DACH1: variants seen among roughly 807,000 people sequenced by gnomAD.
DACH1 encodes the protein dachshund family transcription factor 1.
In DACH1, 12 loss-of-function variants were observed where a neutral mutation model predicts 54.2. The ratio of observed to expected loss-of-function variants is 0.22; its 90% CI spans 0.14 to 0.36. The LOEUF is 0.36. Among genes scored for constraint, DACH1 ranks in the 10% least tolerant of loss-of-function variants. DACH1 has a pLI of 1.00. For synonymous variants in DACH1, 386 were observed against 366.2 expected, an observed-to-expected ratio of 1.05 and a Z score of -0.62; for missense variants, 805 against 929.8, an observed-to-expected ratio of 0.87 and a Z score of 1.75.
At chr13:71,577,632 A>T (rs533355504) in intron 3 of DACH1, among the ~76,000 whole-genome samples, 1 of 152,324 alleles carries the variant, frequency 6.6e-6, no homozygotes, top group South Asian at 2.1e-4. Context: ...CACAGGAAAA[A>T]TTGTATTTAA....
At position 71,515,809 on chromosome 13, in the gene DACH1, A is replaced by G. The variant is rs1336299692; in HGVS notation, c.1571-26661T>C. On this transcript the variant is annotated intron_variant, in intron 6 of 10. Transcript: ENST00000613252. ...TGATGACATCATATCCTATCCATCA[A>G]TTCTTTCAGGAGCACACTTGCCATC... 2.6e-5 allele frequency among the ~76,000 whole-genome samples: 4 copies of G among 151,810 alleles called. 1 individual carries two copies. The Admixed American group carries it at 2.6e-4, about 10-fold the overall frequency.
At chr13:71,667,046 T>A (rs8002931) in intron 2 of DACH1, among the ~76,000 whole-genome samples, 1 of 151,956 alleles carries the variant, frequency 6.6e-6, no homozygotes, top group Admixed American at 6.5e-5. Flanking sequence ...TTATGTACAG[T>A]TTTTTTCATA....
At chr13:71,636,353 G>A (rs1877486800) in intron 2 of DACH1, among the ~76,000 whole-genome samples, 2 of 151,894 alleles carry the variant, frequency 1.3e-5, no homozygotes, top group Admixed American at 6.6e-5. Flanking sequence ...ATCAGAAATG[G>A]AGAAACTTTA....
intron 2 of DACH1, among the ~76,000 whole-genome samples, chr13:71,644,029 G>C (rs1353841201): frequency 6.6e-6 from 1 of 152,060 alleles, no homozygotes; most frequent in African/African-American, 2.4e-5. Context: ...CTAGCTCAAC[G>C]TAAAACTACA....
intron 1 of DACH1, among the ~76,000 whole-genome samples, chr13:71,735,069 A>G (rs115292470): frequency 0.039 from 5,855 of 150,506 alleles, 378 homozygotes; most frequent in African/African-American, 0.13. Context: ...ATACATATAT[A>G]TGGGATATAC....
chr13:71,637,112 G>C (rs1877545067), intron 2 of DACH1, among the ~76,000 whole-genome samples: 1 of 152,038 alleles, frequency 6.6e-6, no homozygotes, highest in Non-Finnish European at 1.5e-5. Flanking sequence ...CAGTGGCTGG[G>C]GGGAGAGAGA....
chr13:71,693,469 A>ATTTTTTTTTTTTTTTTTTTT (rs748598587), intron 1 of DACH1, among the ~76,000 whole-genome samples: 1 of 119,300 alleles, frequency 8.4e-6, no homozygotes, highest in Non-Finnish European at 1.7e-5. Context: ...CGCCCGGCAA[A>ATTTTTTTTTTTTTTTTTTTT]TTTTTTTTTT....
intron 6 of DACH1, among the ~76,000 whole-genome samples, chr13:71,513,937 C>A (rs1287421164): frequency 6.6e-6 from 1 of 152,018 alleles, no homozygotes; most frequent in Non-Finnish European, 1.5e-5. Flanking sequence ...AGTGAACACT[C>A]ATTTACCTTG....
At chr13:71,835,011 C>T (rs1238028020) in intron 1 of DACH1, among the ~76,000 whole-genome samples, 4 of 152,004 alleles carry the variant, frequency 2.6e-5, no homozygotes, top group African/African-American at 9.7e-5. Context: ...ATTTGCCAAA[C>T]AGATAAGAAG....
At chr13:71,732,343 G>T (rs1267784680) in intron 1 of DACH1, among the ~76,000 whole-genome samples, 1 of 151,992 alleles carries the variant, frequency 6.6e-6, no homozygotes, top group Non-Finnish European at 1.5e-5. Flanking sequence ...CCAGCACTTT[G>T]GGAGGCCGAG....
At chr13:71,486,615 A>G (rs1041946781) in intron 7 of DACH1, among the ~76,000 whole-genome samples, 2 of 152,148 alleles carry the variant, frequency 1.3e-5, no homozygotes, top group African/African-American at 4.8e-5. Flanking sequence ...ATATATTTAT[A>G]ATATACATGT....
intron 1 of DACH1, among the ~76,000 whole-genome samples, chr13:71,781,087 A>G (rs1307660051): frequency 6.6e-6 from 1 of 152,150 alleles, no homozygotes. Flanking sequence ...GTGAGCTATG[A>G]TAGTGACACT....
chr13:71,761,701 A>G (rs1316065678), intron 1 of DACH1, among the ~76,000 whole-genome samples: 1 of 152,128 alleles, frequency 6.6e-6, no homozygotes, highest in Non-Finnish European at 1.5e-5. Flanking sequence ...GGATGCTAAC[A>G]TTTTTAAGTC....
intron 1 of DACH1, among the ~76,000 whole-genome samples, chr13:71,685,998 C>A (rs955169888): frequency 6.6e-6 from 1 of 152,144 alleles, no homozygotes; most frequent in African/African-American, 2.4e-5. Flanking sequence ...AAAGCATTTT[C>A]TTCTGGAATG....
chr13:71,832,454 TAA>T (rs1888629099), intron 1 of DACH1, among the ~76,000 whole-genome samples: 1 of 151,924 alleles, frequency 6.6e-6, no homozygotes, highest in African/African-American at 2.4e-5. Flanking sequence ...GTTTTTAATG[TAA>T]AAAGCAGAAA....
intron 6 of DACH1, among the ~76,000 whole-genome samples, chr13:71,550,840 G>A (rs541350040): frequency 6.6e-6 from 1 of 152,156 alleles, no homozygotes; most frequent in South Asian, 2.1e-4. Context: ...AACTGAGGAG[G>A]AAAATTACAT....
chr13:71,838,942 G>T (rs891633552), intron 1 of DACH1, among the ~76,000 whole-genome samples: 4 of 152,028 alleles, frequency 2.6e-5, no homozygotes, highest in Admixed American at 2.0e-4. Context: ...TTATTCAGTG[G>T]TATTTTTCAA....
At chr13:71,810,440 A>G (rs1887668561) in intron 1 of DACH1, among the ~76,000 whole-genome samples, 1 of 152,218 alleles carries the variant, frequency 6.6e-6, no homozygotes, top group Non-Finnish European at 1.5e-5. Context: ...AACACCTACA[A>G]CAAATCACTA....
At chr13:71,551,779 TAA>T (rs1407925011) in intron 6 of DACH1, among the ~76,000 whole-genome samples, 2 of 152,146 alleles carry the variant, frequency 1.3e-5, no homozygotes, top group African/African-American at 2.4e-5. Context: ...GATTGGATGC[TAA>T]GACTAAAATA....
Sources: gnomAD v4.1 joint callset for allele counts (sites outside exome capture counted in the v4.1 genomes callset) on GRCh38, gnomAD v4.1.1 for gene constraint, MANE v1.5 for transcripts, NCBI Gene and HGNC (gene_info 2026-07-23, HGNC 2026-07-21) for gene names.